Variants in KCNQ5 observed in about 807,000 individuals in gnomAD.
KCNQ5 encodes potassium voltage-gated channel subfamily KQT member 5.
A neutral mutation model predicts 98.2 loss-of-function variants in KCNQ5; 30 were observed. The observed-to-expected ratio is 0.31, with a 90% CI of 0.23 to 0.41. The LOEUF (loss-of-function observed/expected upper bound fraction) is 0.41. KCNQ5 is among the 10% of genes least tolerant of loss of function. KCNQ5 has a pLI of 1.00. For synonymous variants in KCNQ5, 458 were observed against 449.4 expected, an observed-to-expected ratio of 1.02 and a Z score of -0.24; for missense variants, 835 against 1,182.5, an observed-to-expected ratio of 0.71 and a Z score of 4.31.
At chr6:73,160,922 G>A (rs963889180) in intron 10 of KCNQ5, among the ~76,000 whole-genome samples, 1 of 152,044 alleles carries the variant, frequency 6.6e-6, no homozygotes, top group African/African-American at 2.4e-5. Flanking sequence ...TGCAGCCAAG[G>A]TTGAAACCCA....
chr6:72,825,138 AAAC>A (rs935105930), intron 1 of KCNQ5, among the ~76,000 whole-genome samples: 38 of 152,122 alleles, frequency 2.5e-4, no homozygotes, highest in African/African-American at 8.9e-4. Context: ...AAACAAAACA[AAAC>A]AACAACAACA....
chr6:73,077,530 T>C (rs1773586362), intron 4 of KCNQ5, 33 bp downstream of exon 4: 3 of 1,567,822 alleles, frequency 1.9e-6, no homozygotes, highest in Non-Finnish European at 2.6e-6. Flanking sequence ...AAAAACACAA[T>C]TTTTGAAACT....
intron 1 of KCNQ5, among the ~76,000 whole-genome samples, chr6:72,819,662 A>G (rs913510079): frequency 4.6e-5 from 7 of 152,194 alleles, no homozygotes; most frequent in African/African-American, 7.2e-5. Flanking sequence ...CCTTTCTCCT[A>G]TCTCCTGGCT....
chr6:72,801,527 C>T (rs1183995040), intron 1 of KCNQ5, among the ~76,000 whole-genome samples: 54 of 135,856 alleles, frequency 4.0e-4, no homozygotes, highest in African/African-American at 1.2e-3. Flanking sequence ...TGTCTCTGCA[C>T]GTGAGATGGG....
chr6:72,745,246 A>G (rs1354274044), intron 1 of KCNQ5, among the ~76,000 whole-genome samples: 1 of 152,226 alleles, frequency 6.6e-6, no homozygotes, highest in East Asian at 1.9e-4. Flanking sequence ...AAAACTGAAA[A>G]GATCAATTAG....
At chr6:73,162,623 G>T (rs550337212) in intron 10 of KCNQ5, among the ~76,000 whole-genome samples, 1 of 152,362 alleles carries the variant, frequency 6.6e-6, no homozygotes, top group African/African-American at 2.4e-5. Context: ...TTAGCATTCA[G>T]AGGGGTTTAA....
At chr6:72,813,963 T>C (rs146028012) in intron 1 of KCNQ5, among the ~76,000 whole-genome samples, 242 of 152,038 alleles carry the variant, frequency 1.6e-3, no homozygotes, top group African/African-American at 5.4e-3. Context: ...GGACTATGAG[T>C]TGGTTATTCT....
intron 1 of KCNQ5, among the ~76,000 whole-genome samples, chr6:72,873,236 G>C (rs778706826): frequency 6.6e-6 from 1 of 151,978 alleles, no homozygotes; most frequent in Non-Finnish European, 1.5e-5. Context: ...TGTACCAATT[G>C]AATATGATAT....
In KCNQ5 at chr6:72,850,167, A is replaced by C. The variant is rs190397467; in HGVS notation, c.399-153741A>C. On this transcript the variant is annotated intron_variant, in intron 1 of 13. Transcript: ENST00000370398. ...GTTTGTATGAGTTCTAGGAAGGCAC[A>C]TTGTCAGGTAATAGATATAAGGCTG... Among the ~76,000 whole-genome samples the C allele has an allele frequency of 2.6e-5, 4 of 152,282 alleles. No individual in the cohort carries two copies. The East Asian group carries it at 7.7e-4, about 29-fold the overall frequency.
chr6:72,952,171 A>G (rs1766837455), intron 1 of KCNQ5, among the ~76,000 whole-genome samples: 2 of 152,232 alleles, frequency 1.3e-5, no homozygotes, highest in Non-Finnish European at 2.9e-5. Flanking sequence ...TTGATGTGTC[A>G]CACAACAGAG....
At chr6:72,877,661 A>C (rs1172415260) in intron 1 of KCNQ5, among the ~76,000 whole-genome samples, 1 of 152,200 alleles carries the variant, frequency 6.6e-6, no homozygotes, top group Non-Finnish European at 1.5e-5. Flanking sequence ...ACAATAGTTG[A>C]ACTAATTTAC....
intron 1 of KCNQ5, among the ~76,000 whole-genome samples, chr6:72,769,395 T>C (rs567715262): frequency 6.6e-6 from 1 of 152,202 alleles, no homozygotes; most frequent in South Asian, 2.1e-4. Context: ...CATAGATACA[T>C]CATAAAATAT....
intron 1 of KCNQ5, among the ~76,000 whole-genome samples, chr6:72,694,002 T>G (rs1383028262): frequency 1.3e-5 from 2 of 152,188 alleles, no homozygotes; most frequent in South Asian, 4.1e-4. Context: ...AGTTTTAGAT[T>G]TAATTTTTTC....
chr6:72,668,120 T>A (rs1388303511), intron 1 of KCNQ5, among the ~76,000 whole-genome samples: 1 of 152,192 alleles, frequency 6.6e-6, no homozygotes. Flanking sequence ...AAGAAGTTGA[T>A]ATTGGGAAGG....
chr6:73,193,019 ATT>A (rs66904981), intron 13 of KCNQ5, among the ~76,000 whole-genome samples: 22 of 127,892 alleles, frequency 1.7e-4, no homozygotes, highest in East Asian at 8.9e-4. Context: ...TAGGTCATTA[ATT>A]TTTTTTTTTT....
chr6:72,954,121 TC>T (rs1246335329), intron 1 of KCNQ5, among the ~76,000 whole-genome samples: 5 of 152,232 alleles, frequency 3.3e-5, no homozygotes, highest in African/African-American at 1.2e-4. Context: ...GTCTTTGAGT[TC>T]ATCTTAATGT....
intron 1 of KCNQ5, among the ~76,000 whole-genome samples, chr6:72,719,518 A>C (rs965249927): frequency 7.2e-5 from 11 of 152,170 alleles, no homozygotes; most frequent in African/African-American, 2.7e-4. Context: ...CTAATGAAAA[A>C]CCTGGATACT....
chr6:73,127,678 A>G (rs889932548), intron 9 of KCNQ5, among the ~76,000 whole-genome samples: 1 of 152,194 alleles, frequency 6.6e-6, no homozygotes, highest in Non-Finnish European at 1.5e-5. Flanking sequence ...TTCTACACTG[A>G]GGCTAGGGTA....
chr6:73,037,332 A>C (rs1170675282), intron 2 of KCNQ5, among the ~76,000 whole-genome samples: 1 of 152,124 alleles, frequency 6.6e-6, no homozygotes, highest in Non-Finnish European at 1.5e-5. Context: ...TTTCATCCTT[A>C]GTACCTGGGC....
Sources: gnomAD v4.1 joint callset for allele counts (sites outside exome capture counted in the v4.1 genomes callset) on GRCh38, gnomAD v4.1.1 for gene constraint, MANE v1.5 for transcripts, NCBI Gene and HGNC (gene_info 2026-07-23, HGNC 2026-07-21) for gene names.